KCNMB2: variants seen among roughly 807,000 people sequenced by gnomAD.
KCNMB2 encodes the protein potassium calcium-activated channel subfamily M regulatory beta subunit 2, also known as calcium-activated potassium channel subunit beta-2.
In KCNMB2, 9 loss-of-function variants were observed where a neutral mutation model predicts 24.5. The ratio of observed to expected loss-of-function variants is 0.37; its 90% CI spans 0.22 to 0.64. The LOEUF (loss-of-function observed/expected upper bound fraction) is 0.64, where lower values mean the gene tolerates loss of function less well. Among genes scored for constraint, KCNMB2 ranks in the 30% least tolerant of loss-of-function variants. The pLI is 0.63. For synonymous variants in KCNMB2, 109 were observed against 104.4 expected, an observed-to-expected ratio of 1.04 and a Z score of -0.27; for missense variants, 226 against 284.3, an observed-to-expected ratio of 0.79 and a Z score of 1.47.
chr3:178,789,366 C>A (rs990402090), intron 1 of KCNMB2, among the ~76,000 whole-genome samples: 7 of 152,172 alleles, frequency 4.6e-5, no homozygotes, highest in Non-Finnish European at 1.0e-4. Flanking sequence ...AACCCTCCAG[C>A]AATCACCACC....
intron 1 of KCNMB2, among the ~76,000 whole-genome samples, chr3:178,608,899 A>C (rs1012315060): frequency 6.6e-6 from 1 of 152,188 alleles, no homozygotes. Context: ...GTTGATGGAC[A>C]CTTAGGTTGC....
At chr3:178,763,767 A>G (rs976928778) in intron 1 of KCNMB2, among the ~76,000 whole-genome samples, 3 of 152,182 alleles carry the variant, frequency 2.0e-5, no homozygotes, top group African/African-American at 7.2e-5. Flanking sequence ...GTGGTAGAAC[A>G]AATAATCTTT....
At chr3:178,805,407 C>A (rs879644139) in intron 1 of KCNMB2, among the ~76,000 whole-genome samples, 1 of 152,186 alleles carries the variant, frequency 6.6e-6, no homozygotes, top group Non-Finnish European at 1.5e-5. Context: ...ACAGACTAAG[C>A]CCTAAAGATG....
Position 178,592,256 on chromosome 3 carries a change from A to G in KCNMB2, c.-68+55545A>G, listed in dbSNP as rs542467665. ...CTCACCCTTAGCCCTCAAACAAAGC[A>G]TTCCTGAAAGGCATAGTTTGACTGC... On this transcript the variant is annotated intron_variant, in intron 1 of 4. Transcript: ENST00000452583. 1.0e-3 allele frequency among the ~76,000 whole-genome samples: 157 copies of G among 152,300 alleles called. 1 individual carries two copies. Among genetic ancestry groups the G allele is most frequent in the African/African-American group, 3.7e-3 (153 of 41,572 alleles).
intron 1 of KCNMB2, among the ~76,000 whole-genome samples, chr3:178,693,220 TC>T (rs1388787022): frequency 5.3e-5 from 8 of 152,360 alleles, no homozygotes; most frequent in African/African-American, 1.4e-4. Flanking sequence ...CTTCCACTCT[TC>T]CTGTTTGGAT....
intron 1 of KCNMB2, among the ~76,000 whole-genome samples, chr3:178,651,217 G>A (rs898656883): frequency 6.6e-6 from 1 of 152,086 alleles, no homozygotes; most frequent in East Asian, 1.9e-4. Flanking sequence ...AACATCTCAG[G>A]ATAAAAATCA....
intron 1 of KCNMB2, among the ~76,000 whole-genome samples, chr3:178,771,907 T>A (rs535243257): frequency 6.6e-6 from 1 of 152,218 alleles, no homozygotes; most frequent in Non-Finnish European, 1.5e-5. Flanking sequence ...CCTTACTTCA[T>A]GGAGAGATCC....
At chr3:178,637,364 G>GT (rs1560142479) in intron 1 of KCNMB2, among the ~76,000 whole-genome samples, 7 of 152,132 alleles carry the variant, frequency 4.6e-5, no homozygotes, top group Non-Finnish European at 7.4e-5. Context: ...TCACCAGCAT[G>GT]ATCAAACTAT....
At chr3:178,721,110 C>A (rs1225887462) in intron 1 of KCNMB2, among the ~76,000 whole-genome samples, 1 of 152,132 alleles carries the variant, frequency 6.6e-6, no homozygotes, top group Non-Finnish European at 1.5e-5. Context: ...GGTTTTAGGT[C>A]TAACGTTTAA....
intron 1 of KCNMB2, among the ~76,000 whole-genome samples, chr3:178,680,324 G>A (rs866866059): frequency 3.9e-4 from 59 of 152,076 alleles, no homozygotes; most frequent in African/African-American, 1.3e-3. Context: ...GGGCCTGTCC[G>A]GCTAGAAGCA....
At chr3:178,669,868 C>G (rs1483859417) in intron 1 of KCNMB2, among the ~76,000 whole-genome samples, 1 of 151,808 alleles carries the variant, frequency 6.6e-6, no homozygotes, top group Non-Finnish European at 1.5e-5. Flanking sequence ...GATCCCCTGT[C>G]CCAACAGTGG....
chr3:178,586,399 T>C (rs1717428551), intron 1 of KCNMB2, among the ~76,000 whole-genome samples: 1 of 152,186 alleles, frequency 6.6e-6, no homozygotes, highest in Non-Finnish European at 1.5e-5. Flanking sequence ...TGAGCTCTTT[T>C]AGTCAGCATT....
chr3:178,800,481 G>A (rs1393070084), intron 1 of KCNMB2, among the ~76,000 whole-genome samples: 5 of 151,982 alleles, frequency 3.3e-5, no homozygotes, highest in Admixed American at 6.6e-5. Context: ...ATGAGATATC[G>A]TCTCACCCCA....
intron 1 of KCNMB2, among the ~76,000 whole-genome samples, chr3:178,541,746 T>A (rs1017981208): frequency 5.9e-5 from 9 of 152,202 alleles, no homozygotes; most frequent in African/African-American, 2.2e-4. Flanking sequence ...CCTTTTCTAC[T>A]TCATGTTGTT....
chr3:178,811,389 T>A (rs1714187106), intron 2 of KCNMB2, among the ~76,000 whole-genome samples: 1 of 152,190 alleles, frequency 6.6e-6, no homozygotes, highest in African/African-American at 2.4e-5. Context: ...TTTTTTTTCA[T>A]GAGTTTATCA....
At chr3:178,576,412 C>A (rs1716991269) in intron 1 of KCNMB2, among the ~76,000 whole-genome samples, 1 of 152,092 alleles carries the variant, frequency 6.6e-6, no homozygotes, top group South Asian at 2.1e-4. Flanking sequence ...GAAAGCTGGG[C>A]AGACGTTTGG....
chr3:178,585,860 T>C (rs1283476954), intron 1 of KCNMB2, among the ~76,000 whole-genome samples: 1 of 152,246 alleles, frequency 6.6e-6, no homozygotes, highest in Non-Finnish European at 1.5e-5. Context: ...TGATCATTTA[T>C]ATGATAATGT....
intron 1 of KCNMB2, chr3:178,795,197 A>G (rs571567667): frequency 7.0e-4 from 106 of 152,306 alleles, no homozygotes; most frequent in African/African-American, 2.5e-3. Flanking sequence ...GATTTGCTAA[A>G]CAATACCTGG....
intron 1 of KCNMB2, among the ~76,000 whole-genome samples, chr3:178,759,468 G>GAT (rs1274470512): frequency 0.015 from 332 of 21,716 alleles, 39 homozygotes; most frequent in Non-Finnish European, 0.021. Context: ...TCTCCAAGAG[G>GAT]ATATATATAT....
Sources: gnomAD v4.1 joint callset for allele counts (sites outside exome capture counted in the v4.1 genomes callset) on GRCh38, gnomAD v4.1.1 for gene constraint, MANE v1.5 for transcripts, NCBI Gene and HGNC (gene_info 2026-07-23, HGNC 2026-07-21) for gene names.